Variants in PPFIBP1 observed in about 807,000 individuals in gnomAD.
The protein encoded by PPFIBP1 is liprin-beta-1.
PPFIBP1 carries 112 observed loss-of-function variants against 137.8 expected under a neutral mutation model. That is an observed-to-expected ratio of 0.81 (90% confidence interval 0.70 to 0.95). The LOEUF (loss-of-function observed/expected upper bound fraction) is 0.95, where lower values mean the gene tolerates loss of function less well. Ranked by LOEUF, PPFIBP1 falls within the 40% of genes least tolerant of loss-of-function variation. The pLI is 0.00. For missense variants in PPFIBP1, 1,083 were observed against 1,196.6 expected (o/e 0.91, Z 1.40); for synonymous variants, 378 against 417.3 (o/e 0.91, Z 1.15).
chr12:27,579,697 A>G (rs148215083), intron 2 of PPFIBP1, among the ~76,000 whole-genome samples: 4 of 152,226 alleles, frequency 2.6e-5, no homozygotes, highest in East Asian at 3.9e-4. Context: ...TAGCGCTTCT[A>G]TGAATGTGTT....
At chr12:27,539,285 T>C (rs1945391034) in intron 1 of PPFIBP1, among the ~76,000 whole-genome samples, 1 of 152,188 alleles carries the variant, frequency 6.6e-6, no homozygotes, top group Non-Finnish European at 1.5e-5. Flanking sequence ...CTGTCCTGTT[T>C]AGGAGTGGTG....
chr12:27,660,873 G>A lies in PPFIBP1; in HGVS notation c.845-11G>A. 1 of 1,613,062 alleles carries A rather than the reference G, an allele frequency of 6.2e-7. No individual in the cohort carries two copies. The highest frequency in any genetic ancestry group is 8.5e-7 in the Non-Finnish European group (1 of 1,179,576). On this transcript the variant is annotated splice_polypyrimidine_tract_variant and intron_variant, in intron 10 of 29. Coordinates refer to ENST00000228425, the MANE Select transcript of PPFIBP1 (RefSeq NM_003622.4). ...GAACTGAACTGACTTCTGATTTGAT[G>A]TTATTTTCAGACATCGAAGTACAAA...
At chr12:27,568,572 T>A (rs1003045278) in intron 1 of PPFIBP1, among the ~76,000 whole-genome samples, 6 of 152,202 alleles carry the variant, frequency 3.9e-5, no homozygotes, top group Admixed American at 1.3e-4. Context: ...ATGTTCTCAA[T>A]CACGGAGTGC....
chr12:27,673,802 A>G lies in PPFIBP1; in HGVS notation c.1355A>G (p.Asn452Ser), dbSNP rs1478678153. ...SSLQKSSSLG[N>S]LKKETSDGEK... is the part of the protein sequence containing the mutation. ...CTGCAGAAGTCCAGCAGCCTGGGCA[A>G]TCTGAAGAAAGAGACATCTGATGGG... The change falls in exon 16 of 30, where the codon AAT (asparagine) becomes AGT (serine). Residue 452 changes from asparagine to serine, a missense_variant. Transcript: ENST00000228425. 1.9e-6 allele frequency: 3 copies of G among 1,613,736 alleles called. No homozygotes were observed. The highest frequency in any genetic ancestry group is 2.7e-5 in the African/African-American group (2 of 75,012).
At chr12:27,674,811 A>ATTTTTTT (rs72418237) in intron 17 of PPFIBP1, among the ~76,000 whole-genome samples, 4 of 108,718 alleles carry the variant, frequency 3.7e-5, no homozygotes, top group African/African-American at 3.6e-5. Context: ...CTTTCCCCTG[A>ATTTTTTT]TTTTTTTTTT....
intron 2 of PPFIBP1, among the ~76,000 whole-genome samples, chr12:27,598,151 G>A (rs1354504029): frequency 1.3e-5 from 2 of 152,178 alleles, no homozygotes; most frequent in Non-Finnish European, 2.9e-5. Context: ...TATTTGTAGA[G>A]ATACTGTATT....
intron 2 of PPFIBP1, among the ~76,000 whole-genome samples, chr12:27,603,395 C>T (rs866546192): frequency 6.6e-6 from 1 of 152,250 alleles, no homozygotes; most frequent in Middle Eastern, 3.4e-3. Context: ...TCTCACTTTC[C>T]TTGGCAATAC....
chr12:27,670,701 C>A (rs2060124762), intron 13 of PPFIBP1, among the ~76,000 whole-genome samples: 1 of 151,624 alleles, frequency 6.6e-6, no homozygotes, highest in Non-Finnish European at 1.5e-5. Flanking sequence ...ATCACTTTAG[C>A]CCAGAAGTTC....
intron 20 of PPFIBP1, 31 bp downstream of exon 20, chr12:27,679,670 C>A: frequency 6.2e-7 from 1 of 1,605,560 alleles, no homozygotes; most frequent in Non-Finnish European, 8.5e-7. Flanking sequence ...GTGGAATGGG[C>A]CCTGTCTTAC....
At chr12:27,530,964 C>T (rs1944353660) in intron 1 of PPFIBP1, among the ~76,000 whole-genome samples, 1 of 152,224 alleles carries the variant, frequency 6.6e-6, no homozygotes, top group Admixed American at 6.5e-5. Flanking sequence ...GGACCCATTT[C>T]TTGACTCTGT....
intron 10 of PPFIBP1, 100 bp from the exon 11 acceptor site, chr12:27,660,784 A>G (rs1275291795): frequency 3.4e-6 from 5 of 1,472,708 alleles, no homozygotes; most frequent in East Asian, 4.7e-5. Context: ...GAAATCATTA[A>G]CATCTTTACC....
intron 2 of PPFIBP1, among the ~76,000 whole-genome samples, chr12:27,598,330 A>G (rs1032246667): frequency 1.3e-5 from 2 of 152,180 alleles, no homozygotes; most frequent in African/African-American, 4.8e-5. Flanking sequence ...CAAGAGAGAG[A>G]GCATGTGCAG....
At chr12:27,656,877 C>T (rs2059233524) in intron 9 of PPFIBP1, 147 bp downstream of exon 9, 2 of 581,450 alleles carry the variant, frequency 3.4e-6, no homozygotes, top group East Asian at 6.0e-5. Context: ...AGGGGATTCT[C>T]CAAGACTCTT....
chr12:27,585,355 A>T (rs1375259963), intron 2 of PPFIBP1, among the ~76,000 whole-genome samples: 2 of 152,264 alleles, frequency 1.3e-5, no homozygotes, highest in Non-Finnish European at 2.9e-5. Context: ...CACTCAGGAA[A>T]CATCTACGCT....
At position 27,647,201 on chromosome 12, in the gene PPFIBP1, G is replaced by A. The variant is rs776128473; in HGVS notation, c.358-528G>A. ...TTTTTAGTAGAGATGGGGTTTCACC[G>A]TGTTGGCCAGGCTGGTCTTGAACTC... is the stretch of plus-strand genomic sequence containing the variant. On this transcript the variant is annotated intron_variant, in intron 5 of 29. Coordinates refer to ENST00000228425, the MANE Select transcript of PPFIBP1 (RefSeq NM_003622.4). Among the ~76,000 whole-genome samples, 18 of 151,968 alleles carry A rather than the reference G, an allele frequency of 1.2e-4. 1 individual carries two copies. The highest frequency in any genetic ancestry group is 3.4e-4 in the African/African-American group (14 of 41,464).
At chr12:27,616,135 C>T (rs1289319061) in intron 2 of PPFIBP1, among the ~76,000 whole-genome samples, 1 of 151,638 alleles carries the variant, frequency 6.6e-6, no homozygotes, top group Admixed American at 6.6e-5. Context: ...CCTCTTTTCC[C>T]TCCTTTCCTT....
chr12:27,659,676 T>A (rs930705283), intron 10 of PPFIBP1, among the ~76,000 whole-genome samples: 2 of 150,186 alleles, frequency 1.3e-5, no homozygotes, highest in Non-Finnish European at 3.0e-5. Context: ...AAAAAAAAAT[T>A]AACTCCTTAG....
chr12:27,625,734 C>T (rs1344427100), intron 2 of PPFIBP1, among the ~76,000 whole-genome samples: 1 of 152,014 alleles, frequency 6.6e-6, no homozygotes, highest in Non-Finnish European at 1.5e-5. Flanking sequence ...CAGGCACATA[C>T]CACTATGCCC....
At chr12:27,682,191 C>T (rs2060915878) in intron 22 of PPFIBP1, among the ~76,000 whole-genome samples, 196 bp from the exon 23 acceptor site, 1 of 152,074 alleles carries the variant, frequency 6.6e-6, no homozygotes, top group African/African-American at 2.4e-5. Context: ...CCTAACACAC[C>T]CCTAAGATAA....
Sources: allele counts gnomAD v4.1 joint callset (sites outside exome capture counted in the v4.1 genomes callset), GRCh38; gene constraint gnomAD v4.1.1; transcripts MANE v1.5; gene names NCBI Gene and HGNC (gene_info 2026-07-23, HGNC 2026-07-21).